Variants in CLEC1B observed in about 807,000 individuals in gnomAD.
CLEC1B encodes C-type lectin-like receptor 2.
A neutral mutation model predicts 26.7 loss-of-function variants in CLEC1B; 26 were observed. The observed-to-expected ratio is 0.97, with a 90% CI of 0.71 to 1.35. The LOEUF (loss-of-function observed/expected upper bound fraction) is 1.35. Ranked by LOEUF, CLEC1B falls within the 40% of genes most tolerant of loss-of-function variation. The pLI, the probability that CLEC1B is intolerant of heterozygous loss-of-function variation, is 0.00. For missense variants in CLEC1B, 293 were observed against 282.6 expected (o/e 1.04, Z -0.26); for synonymous variants, 112 against 96.0 (o/e 1.17, Z -0.97).
chr12:9,995,081 G>C, intron 5 of CLEC1B, 59 bp downstream of exon 5: 1 of 1,603,088 alleles, frequency 6.2e-7, no homozygotes, highest in Non-Finnish European at 8.5e-7. Context: ...AGAGAAGAGG[G>C]AATCTCAAGA....
At chr12:9,999,236 A>G (rs1247389474), upstream of CLEC1B, 7 of 548,870 alleles carry the variant, frequency 1.3e-5, no homozygotes, top group African/African-American at 9.6e-5. Flanking sequence ...GATGGGACAC[A>G]TTTGTTTTCC....
chr12:10,000,574 A>G (rs1159092140), upstream of CLEC1B, among the ~76,000 whole-genome samples: 2 of 152,196 alleles, frequency 1.3e-5, no homozygotes, highest in Non-Finnish European at 2.9e-5. Context: ...TTAAATCCCA[A>G]CACCATTTTT....
Position 9,993,273 on chromosome 12 carries a change from T to C in CLEC1B, c.560A>G (p.Glu187Gly). Residue 187 changes from glutamate to glycine, a missense_variant, in exon 6 of 6, where the codon GAA (glutamate) becomes GGA (glycine). Glu to Gly is a moderately conservative substitution (Grantham distance 98). Transcript: ENST00000298527. ...ACAATTCATATTTCCTTTTCCATCT[T>C]CCAAAAACTCAAACCTGTGAAGGGA... The part of the protein sequence containing the change: ...VISENMFEFL[E>G]DGKGNMNCAY... 6.2e-7 allele frequency: 1 copy of C among 1,612,584 alleles called. No homozygotes were observed. Among genetic ancestry groups the C allele is most frequent in the African/African-American group, 1.3e-5 (1 of 74,912 alleles).
At chr12:9,994,622 T>C (rs902342631) in intron 5 of CLEC1B, among the ~76,000 whole-genome samples, 1 of 152,104 alleles carries the variant, frequency 6.6e-6, no homozygotes, top group African/African-American at 2.4e-5. Flanking sequence ...GCTTCGTTAA[T>C]GGACATTGGA....
chr12:9,994,810 A>C (rs1457725533), intron 5 of CLEC1B, among the ~76,000 whole-genome samples: 5 of 149,184 alleles, frequency 3.4e-5, no homozygotes, highest in African/African-American at 5.0e-5. Context: ...AAAACACAAA[A>C]ACACACACAC....
intron 5 of CLEC1B, among the ~76,000 whole-genome samples, chr12:9,993,716 G>C (rs568662357): frequency 4.7e-4 from 71 of 152,112 alleles, no homozygotes; most frequent in Admixed American, 1.9e-3. Context: ...GGAAAAGTGA[G>C]TTGATTCAGT....
chr12:10,000,002 T>C (rs984160133), upstream of CLEC1B, among the ~76,000 whole-genome samples: 1 of 152,236 alleles, frequency 6.6e-6, no homozygotes, highest in East Asian at 1.9e-4. Flanking sequence ...TGAAAGTAGT[T>C]GTAAGAACAG....
rs745586944 is a variant in CLEC1B at position 9,995,157 on chromosome 12, C to T, written c.528G>A (p.Ser176=). 50 of 1,612,616 alleles carry T rather than the reference C, an allele frequency of 3.1e-5. No individual in the cohort carries two copies. In the Middle Eastern group the frequency reaches 6.6e-4, roughly 21 times the overall value. ...SNEVWKWEDG[S]VISENMFEFL... ...TGACTTACATATTTTCTGAGATAACCGAGCCATCCTCCCACTTCCAGACCT... is the reference window on the plus strand; with the variant it reads ...TGACTTACATATTTTCTGAGATAACTGAGCCATCCTCCCACTTCCAGACCT... Residue 176 remains serine (S), a synonymous_variant, in exon 5 of 6, where the codon TCG becomes TCA. Transcript: ENST00000298527.
chr12:9,999,817 G>C (rs1341789889), upstream of CLEC1B, among the ~76,000 whole-genome samples: 2 of 152,188 alleles, frequency 1.3e-5, no homozygotes, highest in Non-Finnish European at 2.9e-5. Flanking sequence ...GCTTTAAAGT[G>C]AGTTTCCTGG....
upstream of CLEC1B, among the ~76,000 whole-genome samples, chr12:10,000,942 G>A (rs1233242435): frequency 6.6e-6 from 1 of 152,096 alleles, no homozygotes; most frequent in Non-Finnish European, 1.5e-5. Context: ...AAATAACTGT[G>A]ACAAAGTAAC....
intron 2 of CLEC1B, among the ~76,000 whole-genome samples, chr12:9,998,034 G>C (rs1865093781): frequency 6.6e-6 from 1 of 151,966 alleles, no homozygotes; most frequent in Non-Finnish European, 1.5e-5. Context: ...ACACTGAGGA[G>C]GGTCTTAAAG....
Position 9,993,116 on chromosome 12 carries a change from C to T in CLEC1B, c.*27G>A, listed in dbSNP as rs753830727. 1 of 1,586,078 alleles carries T rather than the reference C, an allele frequency of 6.3e-7. No individual in the cohort carries two copies. Among genetic ancestry groups the T allele is most frequent in the Admixed American group, 1.7e-5 (1 of 59,034 alleles). ...TTTTATTGTACAATAAAGCCCTTAT[C>T]TGTGTTATCCTGTCCACCTCTTTGC... On this transcript the variant is annotated 3_prime_UTR_variant, in exon 6 of 6. Coordinates refer to ENST00000298527, the MANE Select transcript of CLEC1B (RefSeq NM_016509.4).
At chr12:9,998,066 A>G (rs1184123594) in intron 2 of CLEC1B, among the ~76,000 whole-genome samples, 1 of 152,214 alleles carries the variant, frequency 6.6e-6, no homozygotes, top group Non-Finnish European at 1.5e-5. Context: ...ATTCTTAAAA[A>G]TAACTTTTCA....
Position 9,995,208 on chromosome 12 carries a change from G to C in CLEC1B, c.477C>G (p.Val159=). Residue 159 remains valine, a synonymous_variant, in exon 5 of 6, where the codon GTC becomes GTG. Transcript: ENST00000298527. ...IKARTHLIRW[V]GLSRQKSNEV... ...CATTCGACTTCTGGCGAGATAATCC[G>C]ACCCAACGAATTAAATGAGTCCTGG... is the stretch of plus-strand genomic sequence containing the variant. The C allele has an allele frequency of 1.9e-6, 3 of 1,612,932 alleles. No homozygotes were observed. Among genetic ancestry groups the C allele is most frequent in the African/African-American group, 1.3e-5 (1 of 74,932 alleles).
At chr12:9,993,770 A>T (rs1864956748) in intron 5 of CLEC1B, among the ~76,000 whole-genome samples, 1 of 152,128 alleles carries the variant, frequency 6.6e-6, no homozygotes, top group Non-Finnish European at 1.5e-5. Flanking sequence ...ATCATCTAAC[A>T]CAGCAGGCTG....
intron 4 of CLEC1B, 58 bp downstream of exon 4, chr12:9,996,788 T>C (rs1311145832): frequency 2.5e-6 from 4 of 1,574,902 alleles, no homozygotes; most frequent in Non-Finnish European, 3.5e-6. Context: ...AGGTCAAGTG[T>C]TACATTTGAG....
At chr12:9,996,682 T>A in intron 4 of CLEC1B, 164 bp downstream of exon 4, 1 of 750,750 alleles carries the variant, frequency 1.3e-6, no homozygotes. Context: ...TATGAGTGGA[T>A]TGAATATCTG....
At chr12:9,994,999 G>A (rs1865002303) in intron 5 of CLEC1B, 141 bp downstream of exon 5, 14 of 1,553,658 alleles carry the variant, frequency 9.0e-6, no homozygotes, top group East Asian at 7.1e-5. Context: ...TATGACCAGC[G>A]CTGTCTTGTT....
At chr12:9,999,180 T>C (rs373139919), upstream of CLEC1B, 28 of 880,838 alleles carry the variant, frequency 3.2e-5, 1 homozygote, top group Middle Eastern at 4.3e-4. Flanking sequence ...TTTCAGTATC[T>C]GTCAGTTTAT....
Sources: gnomAD v4.1 joint callset for allele counts (sites outside exome capture counted in the v4.1 genomes callset) on GRCh38, gnomAD v4.1.1 for gene constraint, MANE v1.5 for transcripts, NCBI Gene and HGNC (gene_info 2026-07-23, HGNC 2026-07-21) for gene names.